Variants in RALGAPA2 observed in about 807,000 individuals in gnomAD.
The protein encoded by RALGAPA2 is Ral GTPase activating protein catalytic subunit alpha 2, also known as ral GTPase-activating protein subunit alpha-2.
A neutral mutation model predicts 230.4 loss-of-function variants in RALGAPA2; 139 were observed. That is an observed-to-expected ratio of 0.60 (90% CI 0.53 to 0.69). The LOEUF (loss-of-function observed/expected upper bound fraction) is 0.69, where lower values mean the gene tolerates loss of function less well. RALGAPA2 is among the 30% of genes least tolerant of loss of function. The pLI, the probability that RALGAPA2 is intolerant of heterozygous loss-of-function variation, is 0.00. For synonymous variants in RALGAPA2, 847 were observed against 837.8 expected (o/e 1.01, Z -0.19); for missense variants, 2,163 against 2,276.0 (o/e 0.95, Z 1.01).
intron 37 of RALGAPA2, among the ~76,000 whole-genome samples, chr20:20,438,624 C>T (rs1193041824): frequency 2.0e-5 from 3 of 152,286 alleles, no homozygotes; most frequent in Non-Finnish European, 2.9e-5. Flanking sequence ...CCAGGCAGTG[C>T]GCTCGGGACT....
chr20:20,636,464 A>C (rs950065817), intron 8 of RALGAPA2, among the ~76,000 whole-genome samples: 3 of 152,176 alleles, frequency 2.0e-5, no homozygotes, highest in African/African-American at 7.2e-5. Context: ...TAGCTAAAGA[A>C]ATACATGTCC....
Position 20,635,617 on chromosome 20 carries a change from T to C in RALGAPA2, c.806A>G (p.Asp269Gly). The part of the protein sequence containing the change: ...KLTNIYKPVL[D>G]IPHLRPKPVY... Reference sequence around the variant, plus strand: ...AGGCTTTGGTCTCAAATGGGGGATGTCTGGTAGAAGAAAGAACACATGATT... The same window carrying C: ...AGGCTTTGGTCTCAAATGGGGGATGCCTGGTAGAAGAAAGAACACATGATT... Residue 269 changes from aspartate to glycine, a missense_variant and splice_region_variant, in exon 9 of 40, where the codon GAC (aspartate) becomes GGC (glycine). Coordinates refer to ENST00000202677, the MANE Select transcript of RALGAPA2 (RefSeq NM_020343.4). 2.6e-6 allele frequency: 4 copies of C among 1,532,624 alleles called. No individual in the cohort carries two copies. The highest frequency in any genetic ancestry group is 3.5e-6 in the Non-Finnish European group (4 of 1,141,720). The allele number at this position is 1,532,624 out of a possible 1,614,324, so 94.9% of individuals were successfully genotyped here.
chr20:20,590,468 T>C (rs995737384), intron 17 of RALGAPA2, among the ~76,000 whole-genome samples: 2 of 152,198 alleles, frequency 1.3e-5, no homozygotes, highest in Non-Finnish European at 2.9e-5. Context: ...TTAAAAGATA[T>C]GAGATAACTT....
chr20:20,689,528 T>C (rs189009333), intron 1 of RALGAPA2, among the ~76,000 whole-genome samples: 108 of 152,028 alleles, frequency 7.1e-4, no homozygotes, highest in African/African-American at 2.6e-3. Flanking sequence ...TGTAATCCCA[T>C]CTCCTTGGGA....
At chr20:20,660,159 C>T (rs1167883105) in intron 3 of RALGAPA2, among the ~76,000 whole-genome samples, 2 of 151,034 alleles carry the variant, frequency 1.3e-5, no homozygotes, top group African/African-American at 2.4e-5. Flanking sequence ...GCCTGGGAGG[C>T]GGAGGTTGCG....
At chr20:20,618,137 G>T (rs553945966) in intron 12 of RALGAPA2, among the ~76,000 whole-genome samples, 2 of 152,296 alleles carry the variant, frequency 1.3e-5, no homozygotes, top group East Asian at 3.9e-4. Context: ...ACCCACTGAT[G>T]ACATTAGTGA....
chr20:20,604,346 T>C lies in RALGAPA2; in HGVS notation c.2038+829A>G, dbSNP rs576523927. On this transcript the variant is annotated intron_variant, in intron 15 of 39. Coordinates refer to ENST00000202677, the MANE Select transcript of RALGAPA2 (RefSeq NM_020343.4). ...AAACTACCACTGATGTTTTCTACCT[T>C]GAAAACATAACTTTCATTTGAGGTT... Among the ~76,000 whole-genome samples the C allele has an allele frequency of 4.6e-5, 7 of 152,360 alleles. No individual in the cohort carries two copies. In the South Asian group the frequency reaches 1.4e-3, roughly 32 times the overall value.
intron 1 of RALGAPA2, among the ~76,000 whole-genome samples, chr20:20,697,942 T>C (rs1016537833): frequency 3.9e-5 from 6 of 152,212 alleles, no homozygotes; most frequent in Non-Finnish European, 8.8e-5. Context: ...TCCCTTAGAC[T>C]GTTTAGTTAC....
intron 3 of RALGAPA2, among the ~76,000 whole-genome samples, chr20:20,673,026 T>C (rs1481050873): frequency 1.3e-5 from 2 of 151,408 alleles, no homozygotes; most frequent in African/African-American, 4.9e-5. Context: ...CTACTAAAAA[T>C]ACAAAAAAAT....
At chr20:20,396,382 G>A (rs1054000519) in intron 39 of RALGAPA2, among the ~76,000 whole-genome samples, 5 of 152,248 alleles carry the variant, frequency 3.3e-5, no homozygotes, top group African/African-American at 7.2e-5. Context: ...AAAAGGGGGC[G>A]GCCCCAGCGC....
chr20:20,486,411 A>G (rs6112917), intron 36 of RALGAPA2, among the ~76,000 whole-genome samples: 6,551 of 152,082 alleles, frequency 0.043, 204 homozygotes, highest in Non-Finnish European at 0.068. Context: ...CAACACAATA[A>G]ATATATTATG....
At chr20:20,640,904 A>C (rs1370543341) in intron 5 of RALGAPA2, 26 bp from the exon 6 acceptor site, 2 of 1,558,934 alleles carry the variant, frequency 1.3e-6, no homozygotes, top group African/African-American at 2.7e-5. Context: ...AAACAATGAA[A>C]ATGAAACACA....
intron 37 of RALGAPA2, among the ~76,000 whole-genome samples, chr20:20,435,463 C>T (rs928026948): frequency 5.3e-5 from 8 of 152,098 alleles, no homozygotes; most frequent in Non-Finnish European, 8.8e-5. Flanking sequence ...ATAAATGCAG[C>T]TAATACAGAG....
chr20:20,476,466 C>A (rs6106255), intron 36 of RALGAPA2, among the ~76,000 whole-genome samples: 1 of 151,856 alleles, frequency 6.6e-6, no homozygotes, highest in African/African-American at 2.4e-5. Context: ...AGAAAAAAGC[C>A]TGTTTCAATA....
At chr20:20,646,441 G>T (rs1295190521) in intron 4 of RALGAPA2, among the ~76,000 whole-genome samples, 1 of 152,030 alleles carries the variant, frequency 6.6e-6, no homozygotes, top group Non-Finnish European at 1.5e-5. Context: ...ATGCCTGTTT[G>T]GATTTTTAAA....
chr20:20,461,408 A>G lies in RALGAPA2; in HGVS notation c.5495+11421T>C, dbSNP rs189029713. Among the ~76,000 whole-genome samples the G allele has an allele frequency of 3.2e-4, 48 of 152,346 alleles. No individual in the cohort carries two copies. In the East Asian group the frequency reaches 7.9e-3, roughly 25 times the overall value. ...ACTGAGTTCAATTTTTTTAATTTCA[A>G]AAGTGGGAAGAAAACACACATCACA... On this transcript the variant is annotated intron_variant, in intron 37 of 39. Coordinates refer to ENST00000202677, the MANE Select transcript of RALGAPA2 (RefSeq NM_020343.4).
At chr20:20,515,578 A>G (rs1277412672) in intron 31 of RALGAPA2, among the ~76,000 whole-genome samples, 1 of 152,236 alleles carries the variant, frequency 6.6e-6, no homozygotes, top group African/African-American at 2.4e-5. Context: ...TCATGGGAGA[A>G]GGCCTTAACC....
chr20:20,534,726 A>T (rs1174823599), intron 26 of RALGAPA2, among the ~76,000 whole-genome samples: 1 of 152,200 alleles, frequency 6.6e-6, no homozygotes, highest in Non-Finnish European at 1.5e-5. Flanking sequence ...ACTCTTTCTG[A>T]TTAAAGAAAA....
rs372015809 is a variant in RALGAPA2 at position 20,640,083 on chromosome 20, A to C, written c.551-183T>G. On this transcript the variant is annotated intron_variant, in intron 6 of 39. Coordinates refer to ENST00000202677, the MANE Select transcript of RALGAPA2 (RefSeq NM_020343.4). ...GGAAACACAGCCCAGATGCCCACGA[A>C]GCGCCTTCTCCTGCTGCACCATTCT... Among the ~76,000 whole-genome samples, 4 of 152,350 alleles carry C rather than the reference A, an allele frequency of 2.6e-5. No individual in the cohort carries two copies. The East Asian group carries it at 5.8e-4, about 22-fold the overall frequency.
Sources: gnomAD v4.1 joint callset for allele counts (sites outside exome capture counted in the v4.1 genomes callset) on GRCh38, gnomAD v4.1.1 for gene constraint, MANE v1.5 for transcripts, NCBI Gene and HGNC (gene_info 2026-07-23, HGNC 2026-07-21) for gene names.